The following DOCK3 variants were observed in gnomAD, a reference collection of about 807,000 sequenced individuals.
DOCK3 encodes dedicator of cytokinesis protein 3.
DOCK3 carries 60 observed loss-of-function variants against 265.6 expected under a neutral mutation model. The ratio of observed to expected loss-of-function variants is 0.23; its 90% CI spans 0.18 to 0.28. DOCK3 has a LOEUF of 0.28. DOCK3 is among the 10% of genes least tolerant of loss of function. The pLI is 1.00. For synonymous variants in DOCK3, 881 were observed against 938.0 expected, an observed-to-expected ratio of 0.94 and a Z score of 1.11; for missense variants, 1,981 against 2,594.3, an observed-to-expected ratio of 0.76 and a Z score of 5.14.
chr3:51,255,989 C>T (rs2079524417), intron 22 of DOCK3, among the ~76,000 whole-genome samples: 1 of 152,016 alleles, frequency 6.6e-6, no homozygotes, highest in Admixed American at 6.5e-5. Flanking sequence ...GGTTTCTCCC[C>T]ATCTTTGTGG....
intron 3 of DOCK3, among the ~76,000 whole-genome samples, chr3:50,884,960 A>G (rs944373083): frequency 2.0e-5 from 3 of 152,154 alleles, no homozygotes; most frequent in African/African-American, 7.2e-5. Flanking sequence ...GTTTTACCAA[A>G]TGCACAATGT....
At chr3:51,062,589 T>C (rs11920441) in intron 5 of DOCK3, among the ~76,000 whole-genome samples, 39,664 of 152,092 alleles carry the variant, frequency 0.26, 6,038 homozygotes, top group South Asian at 0.41. Flanking sequence ...CCATCATTAA[T>C]GATTTGCCTA....
At chr3:51,332,025 C>T (rs566391905) in intron 33 of DOCK3, among the ~76,000 whole-genome samples, 1 of 152,336 alleles carries the variant, frequency 6.6e-6, no homozygotes, top group African/African-American at 2.4e-5. Context: ...GGAAAACCCT[C>T]ACTTTCTCAG....
At chr3:50,745,145 CTG>C (rs2039342081) in intron 1 of DOCK3, among the ~76,000 whole-genome samples, 1 of 152,130 alleles carries the variant, frequency 6.6e-6, no homozygotes, top group Non-Finnish European at 1.5e-5. Context: ...GAGTCTCACT[CTG>C]TTGCTCTCCT....
At chr3:50,750,263 T>G (rs1240346260) in intron 1 of DOCK3, among the ~76,000 whole-genome samples, 1 of 151,390 alleles carries the variant, frequency 6.6e-6, no homozygotes, top group Non-Finnish European at 1.5e-5. Context: ...ATGAAACTGG[T>G]CTCTGGTGCC....
intron 22 of DOCK3, among the ~76,000 whole-genome samples, chr3:51,259,023 G>A (rs576744253): frequency 6.6e-5 from 10 of 152,296 alleles, no homozygotes; most frequent in Non-Finnish European, 1.3e-4. Flanking sequence ...GCCTGCAAGT[G>A]TCTGGGTTTA....
intron 3 of DOCK3, among the ~76,000 whole-genome samples, chr3:50,843,996 A>G (rs1487916217): frequency 6.6e-5 from 10 of 152,192 alleles, no homozygotes; most frequent in Admixed American, 5.9e-4. Context: ...TGGTCCTACT[A>G]CACTTGATCT....
intron 9 of DOCK3, among the ~76,000 whole-genome samples, chr3:51,095,305 T>A (rs567054442): frequency 3.3e-4 from 50 of 152,326 alleles, no homozygotes; most frequent in Non-Finnish European, 6.5e-4. Flanking sequence ...TACTGGTTTT[T>A]CCTTTCCATA....
intron 7 of DOCK3, among the ~76,000 whole-genome samples, chr3:51,079,871 G>A (rs1054950925): frequency 3.9e-5 from 6 of 152,172 alleles, no homozygotes; most frequent in East Asian, 1.9e-4. Context: ...TTTCTAAACT[G>A]TGGCAAGATC....
chr3:51,165,373 C>A (rs1328607937), intron 12 of DOCK3, among the ~76,000 whole-genome samples: 3 of 152,186 alleles, frequency 2.0e-5, no homozygotes, highest in Non-Finnish European at 2.9e-5. Flanking sequence ...ATTTGATATA[C>A]ATAAACATTG....
intron 5 of DOCK3, among the ~76,000 whole-genome samples, chr3:51,031,703 GAAACTTAAGCCCC>G (rs1211638066): frequency 6.6e-6 from 1 of 152,068 alleles, no homozygotes; most frequent in Non-Finnish European, 1.5e-5. Flanking sequence ...AATTCATGTC[GAAACTTAAGCCCC>G]AATGCAGAAG....
chr3:50,778,005 G>A (rs2041704850), intron 1 of DOCK3, among the ~76,000 whole-genome samples: 1 of 152,078 alleles, frequency 6.6e-6, no homozygotes, highest in South Asian at 2.1e-4. Flanking sequence ...CAGGGGGAAT[G>A]CTTTCAACTT....
chr3:51,335,590 G>A (rs769159129), intron 35 of DOCK3, among the ~76,000 whole-genome samples: 1 of 152,208 alleles, frequency 6.6e-6, no homozygotes, highest in Admixed American at 6.5e-5. Context: ...GCCAGCTCCT[G>A]GCAGGTGCAT....
At chr3:51,360,765 T>C in intron 47 of DOCK3, 133 bp downstream of exon 47, 2 of 1,252,770 alleles carry the variant, frequency 1.6e-6, no homozygotes, top group Non-Finnish European at 2.2e-6. Context: ...ATGTGGCTCC[T>C]GCCATAGGAC....
intron 13 of DOCK3, among the ~76,000 whole-genome samples, chr3:51,213,627 T>A (rs1220326543): frequency 6.6e-6 from 1 of 152,208 alleles, no homozygotes; most frequent in Non-Finnish European, 1.5e-5. Context: ...CAGTGCAAGA[T>A]TGAACTAGAA....
At chr3:50,979,110 G>A (rs955355446) in intron 5 of DOCK3, among the ~76,000 whole-genome samples, 3 of 152,112 alleles carry the variant, frequency 2.0e-5, no homozygotes, top group East Asian at 1.9e-4. Flanking sequence ...CGTCTTCTGC[G>A]CCGCTCACGC....
rs1285021132 is a variant in DOCK3 at position 51,381,556 on chromosome 3, G to A, written c.6090G>A (p.Gln2030=). 1.3e-6 allele frequency: 2 copies of A among 1,518,542 alleles called. No individual in the cohort carries two copies. The highest frequency in any genetic ancestry group is 1.8e-6 in the Non-Finnish European group (2 of 1,137,356). 94.1% of individuals were successfully genotyped at this position (1,518,542 alleles called of 1,614,324 possible). A position where few individuals can be genotyped will look rare whatever the true frequency, so the allele number is the denominator to read the frequency against. The change falls in exon 53 of 53, where the codon CAG becomes CAA. Residue 2030 remains glutamine, a synonymous_variant. Coordinates refer to ENST00000266037, the MANE Select transcript of DOCK3 (RefSeq NM_004947.5). The surrounding 1 kb of genome is among the most constrained non-coding windows in gnomAD (Gnocchi z 5.6). ...RMAWEHGRGE[Q] is the part of the protein sequence containing the mutation. ...CCTGGGAGCACGGCCGAGGGGAGCA[G>A]TGAGGGGCAACGAGGCGGCTGGGAT...
intron 27 of DOCK3, among the ~76,000 whole-genome samples, chr3:51,304,754 C>T (rs1469392120): frequency 6.6e-6 from 1 of 152,196 alleles, no homozygotes; most frequent in Admixed American, 6.5e-5. Context: ...GCCATCGCAC[C>T]ACCCTGCTTT....
rs150544910 is a variant in DOCK3, at chr3:51,375,750, G to A, written c.5415G>A (p.Pro1805=). The change falls in exon 51 of 53, where the codon CCG becomes CCA. Residue 1805 remains proline, a splice_region_variant and synonymous_variant. Transcript: ENST00000266037. Reference sequence around the variant, plus strand: ...TAATGTTTATCTCCTTCCTTCAGCCGCCGAATTTCCAGCGAGCCCTGTTCC... The same window carrying A: ...TAATGTTTATCTCCTTCCTTCAGCCACCGAATTTCCAGCGAGCCCTGTTCC... ...YPAAILENGQ[P]PNFQRALFQQ... 25 of 1,613,922 alleles carry A rather than the reference G, an allele frequency of 1.5e-5. No individual in the cohort carries two copies. The highest frequency in any genetic ancestry group is 1.0e-4 in the Admixed American group (6 of 60,016).
Sources: allele counts gnomAD v4.1 joint callset (sites outside exome capture counted in the v4.1 genomes callset), GRCh38; gene constraint gnomAD v4.1.1; non-coding constraint Gnocchi (gnomAD v3.1); transcripts MANE v1.5; gene names NCBI Gene and HGNC (gene_info 2026-07-23, HGNC 2026-07-21).